Variants in PCDHA1 observed in about 807,000 individuals in gnomAD.
PCDHA1 encodes protocadherin alpha-1.
PCDHA1 carries 42 observed loss-of-function variants against 61.3 expected under a neutral mutation model. The observed-to-expected ratio is 0.69, with a 90% CI of 0.54 to 0.89. The LOEUF (loss-of-function observed/expected upper bound fraction) is 0.89. PCDHA1 is among the 40% of genes least tolerant of loss of function. The pLI is 0.00. For synonymous variants in PCDHA1, 610 were observed against 553.8 expected (o/e 1.10, Z -1.43); for missense variants, 1,256 against 1,235.3 (o/e 1.02, Z -0.25).
intron 1 of PCDHA1, among the ~76,000 whole-genome samples, chr5:140,962,815 A>C (rs782313534): frequency 3.3e-5 from 5 of 152,242 alleles, no homozygotes; most frequent in Non-Finnish European, 7.3e-5. Flanking sequence ...AACATCAGAG[A>C]TGACCATTTG....
intron 1 of PCDHA1, among the ~76,000 whole-genome samples, chr5:140,833,428 T>C (rs1554133831): frequency 1.3e-5 from 2 of 152,196 alleles, no homozygotes; most frequent in African/African-American, 4.8e-5. Context: ...GTGAGATGGC[T>C]GAGCACTGAA....
chr5:140,984,389 A>T (rs1346769556), intron 3 of PCDHA1, among the ~76,000 whole-genome samples: 2 of 152,208 alleles, frequency 1.3e-5, no homozygotes, highest in African/African-American at 4.8e-5. Flanking sequence ...AGATTCAAAA[A>T]ATGTTGAGAA....
chr5:140,829,529 C>G (rs2150169515), intron 1 of PCDHA1: 1 of 1,613,270 alleles, frequency 6.2e-7, no homozygotes, highest in East Asian at 2.2e-5. Context: ...GGTGTCTGCG[C>G]GAGACGCGGA....
At chr5:140,801,611 G>A in intron 1 of PCDHA1, 1 of 1,614,162 alleles carries the variant, frequency 6.2e-7, no homozygotes, top group Non-Finnish European at 8.5e-7. Context: ...TGGCTGTAAA[G>A]AATCTGTTTA....
At chr5:140,852,971 C>G (rs2150526229) in intron 1 of PCDHA1, 1 of 376,366 alleles carries the variant, frequency 2.7e-6, no homozygotes, top group African/African-American at 2.2e-5. Flanking sequence ...CTCCCCCTCC[C>G]GTGTTCACGC....
chr5:140,802,281 GACTCTCC>G, intron 1 of PCDHA1: 1 of 1,614,216 alleles, frequency 6.2e-7, no homozygotes, highest in Non-Finnish European at 8.5e-7. Context: ...TGTATTAGAA[GACTCTCC>G]ACTTAGCACA....
chr5:140,926,537 T>G, intron 1 of PCDHA1: 10 of 211,562 alleles, frequency 4.7e-5, no homozygotes, highest in Non-Finnish European at 7.4e-5. Flanking sequence ...GCAGCCAGCG[T>G]GGTGGTCGAG....
At chr5:140,876,048 T>G in intron 1 of PCDHA1, 1 of 1,613,930 alleles carries the variant, frequency 6.2e-7, no homozygotes, top group Non-Finnish European at 8.5e-7. Context: ...GTATATTGCC[T>G]GAATTAGTTC....
Position 141,012,065 on chromosome 5 carries a change from T to G in PCDHA1, c.*2128T>G, listed in dbSNP as rs2098422876. The G allele has an allele frequency of 6.5e-6, 1 of 153,794 alleles. No individual in the cohort carries two copies. Among genetic ancestry groups the G allele is most frequent in the Non-Finnish European group, 1.5e-5 (1 of 68,044 alleles). The allele number at this position is 153,794 out of a possible 1,614,324, so 9.5% of individuals were successfully genotyped here. A position where few individuals can be genotyped will look rare whatever the true frequency, so the allele number is the denominator to read the frequency against. ...GGGTAAAACTTGTTACCAACACATGTGAACCATTGCTACATTGTAGGTTGT... is the reference window on the plus strand; with the variant it reads ...GGGTAAAACTTGTTACCAACACATGGGAACCATTGCTACATTGTAGGTTGT... On this transcript the variant is annotated 3_prime_UTR_variant, in exon 4 of 4. Transcript: ENST00000504120.
At chr5:140,907,197 A>G (rs2073229380) in intron 1 of PCDHA1, among the ~76,000 whole-genome samples, 1 of 152,166 alleles carries the variant, frequency 6.6e-6, no homozygotes, top group Non-Finnish European at 1.5e-5. Context: ...AACCTTCTGG[A>G]GAATTTTGCC....
rs2098419434 is a variant in PCDHA1, at chr5:141,011,100, CT to C, written c.*1164del. ...AAATGATCTCTCTTTCTCTCTCTCT[CT>C]CTCTTTTCTAAGAAACAATTATGTG... On this transcript the variant is annotated 3_prime_UTR_variant, in exon 4 of 4. Coordinates refer to ENST00000504120, the MANE Select transcript of PCDHA1 (RefSeq NM_018900.4). The C allele has an allele frequency of 1.3e-5, 2 of 153,772 alleles. No individual in the cohort carries two copies. Among genetic ancestry groups the C allele is most frequent in the Admixed American group, 6.5e-5 (1 of 15,290 alleles). The allele number at this position is 153,772 out of a possible 1,614,324, so 9.5% of individuals were successfully genotyped here.
At chr5:140,808,066 T>A (rs1554124409) in intron 1 of PCDHA1, 1 of 1,614,064 alleles carries the variant, frequency 6.2e-7, no homozygotes. Context: ...AATCCAAGTT[T>A]CACATAGATC....
At chr5:140,810,496 A>T (rs1258787751) in intron 1 of PCDHA1, 1 of 152,222 alleles carries the variant, frequency 6.6e-6, no homozygotes, top group Non-Finnish European at 1.5e-5. Context: ...TACATTTGTC[A>T]GGTTATTTTC....
intron 1 of PCDHA1, chr5:140,861,317 C>T (rs1369177112): frequency 4.6e-6 from 1 of 217,818 alleles, no homozygotes; most frequent in Admixed American, 5.2e-5. Context: ...GGACCAGTTC[C>T]ACTACACCAT....
At chr5:140,944,865 T>G (rs1227128611) in intron 1 of PCDHA1, among the ~76,000 whole-genome samples, 3 of 152,166 alleles carry the variant, frequency 2.0e-5, no homozygotes, top group Non-Finnish European at 4.4e-5. Flanking sequence ...TTATTTATCT[T>G]AACCACCTAC....
intron 1 of PCDHA1, chr5:140,883,758 G>A (rs781858673): frequency 3.1e-6 from 5 of 1,612,920 alleles, no homozygotes; most frequent in South Asian, 1.1e-5. Context: ...CTGGTGGAGC[G>A]GCGGGTGGGC....
At chr5:140,833,358 C>G (rs1772420671) in intron 1 of PCDHA1, among the ~76,000 whole-genome samples, 1 of 152,128 alleles carries the variant, frequency 6.6e-6, no homozygotes, top group Non-Finnish European at 1.5e-5. Flanking sequence ...AAAACGAACA[C>G]AGTAAGGTAG....
At chr5:140,795,460 G>A in intron 1 of PCDHA1, 1 of 1,614,150 alleles carries the variant, frequency 6.2e-7, no homozygotes, top group Non-Finnish European at 8.5e-7. Context: ...AGGAGTAAAT[G>A]CTCTTCTCTC....
intron 3 of PCDHA1, among the ~76,000 whole-genome samples, chr5:140,995,211 A>G (rs529613370): frequency 2.6e-5 from 4 of 152,188 alleles, no homozygotes; most frequent in Non-Finnish European, 4.4e-5. Context: ...ATTAGGCACA[A>G]TACTCTTGTG....
Sources: allele counts gnomAD v4.1 joint callset (sites outside exome capture counted in the v4.1 genomes callset), GRCh38; gene constraint gnomAD v4.1.1; transcripts MANE v1.5; gene names NCBI Gene and HGNC (gene_info 2026-07-23, HGNC 2026-07-21).